ATP6V1D: variants seen among roughly 807,000 people sequenced by gnomAD.
ATP6V1D encodes the protein ATPase H+ transporting V1 subunit D, also known as V-type proton ATPase subunit D.
In ATP6V1D, 20 loss-of-function variants were observed where a neutral mutation model predicts 39.4. The observed-to-expected ratio is 0.51, with a 90% CI of 0.36 to 0.74. ATP6V1D has a LOEUF of 0.74. Ranked by LOEUF, ATP6V1D falls within the 30% of genes least tolerant of loss-of-function variation. The probability of loss-of-function intolerance (pLI) is 0.00; values close to 1 mark genes in which losing one functional copy is unlikely to be tolerated. For missense variants in ATP6V1D, 228 were observed against 291.6 expected (o/e 0.78, Z 1.59); for synonymous variants, 100 against 100.5 (o/e 0.99, Z 0.03).
chr14:67,340,354 A>C (rs1186642975), intron 8 of ATP6V1D, 86 bp downstream of exon 8: 7 of 1,121,958 alleles, frequency 6.2e-6, no homozygotes, highest in Non-Finnish European at 8.1e-6. Context: ...AATTCTAAAG[A>C]ACATAAACCA....
At chr14:67,358,938 G>C (rs1375854859) in intron 1 of ATP6V1D, among the ~76,000 whole-genome samples, 4 of 152,144 alleles carry the variant, frequency 2.6e-5, no homozygotes, top group Non-Finnish European at 5.9e-5. Flanking sequence ...TATGGATTAA[G>C]ACACTCTTTC....
intron 3 of ATP6V1D, among the ~76,000 whole-genome samples, chr14:67,349,455 T>C (rs933345527): frequency 1.3e-5 from 2 of 152,264 alleles, no homozygotes; most frequent in African/African-American, 2.4e-5. Context: ...AGGTTTGCTA[T>C]TGAATTGGTT....
At chr14:67,345,658 GA>G (rs1475823353) in intron 6 of ATP6V1D, 109 bp downstream of exon 6, 2 of 653,156 alleles carry the variant, frequency 3.1e-6, no homozygotes, top group Non-Finnish European at 5.4e-6. Context: ...AGGATCATGG[GA>G]ACAGTTAAAA....
At chr14:67,359,446 C>G (rs1792653002) in intron 1 of ATP6V1D, among the ~76,000 whole-genome samples, 1 of 152,190 alleles carries the variant, frequency 6.6e-6, no homozygotes, top group African/African-American at 2.4e-5. Flanking sequence ...CCTTTTCCTA[C>G]CGGCTGGGAT....
chr14:67,349,168 T>C (rs1409884581), intron 3 of ATP6V1D, 64 bp from the exon 4 acceptor site: 7 of 1,474,052 alleles, frequency 4.7e-6, no homozygotes, highest in African/African-American at 4.2e-5. Context: ...AGGGACCCAC[T>C]GGATAGTTTT....
intron 7 of ATP6V1D, among the ~76,000 whole-genome samples, chr14:67,340,873 G>C (rs1031705886): frequency 6.6e-6 from 1 of 152,202 alleles, no homozygotes; most frequent in Admixed American, 6.5e-5. Context: ...ACGGGGTTTC[G>C]CTGTGTTGGC....
intron 2 of ATP6V1D, among the ~76,000 whole-genome samples, chr14:67,351,554 G>C (rs889969567): frequency 6.6e-6 from 1 of 152,040 alleles, no homozygotes; most frequent in Non-Finnish European, 1.5e-5. Flanking sequence ...TGTTGCCTGG[G>C]CTAGAGTACA....
At chr14:67,340,818 C>T (rs1036737319) in intron 7 of ATP6V1D, among the ~76,000 whole-genome samples, 17 of 152,258 alleles carry the variant, frequency 1.1e-4, no homozygotes, top group Middle Eastern at 6.8e-3. Flanking sequence ...CGATTGCAGG[C>T]GCGTGCCGCC....
chr14:67,338,668 C>CA lies in ATP6V1D; in HGVS notation c.696dup (p.Ala233CysfsTer2). On this transcript the variant is annotated frameshift_variant, in exon 9 of 9. Coordinates refer to ENST00000216442, the MANE Select transcript of ATP6V1D (RefSeq NM_015994.4). LOFTEE classifies it high-confidence loss of function. ...TCCTTCTCTTCAGCCAGAAGATTAG[C>CA]AGGCTCCAACACCTCTCCAGCTGCT... 6.2e-7 allele frequency: 1 copy of CA among 1,614,122 alleles called. No individual in the cohort carries two copies. The highest frequency in any genetic ancestry group is 8.5e-7 in the Non-Finnish European group (1 of 1,179,992).
At chr14:67,341,711 A>G (rs1395454523) in intron 7 of ATP6V1D, among the ~76,000 whole-genome samples, 3 of 152,254 alleles carry the variant, frequency 2.0e-5, no homozygotes, top group Non-Finnish European at 4.4e-5. Flanking sequence ...AGAACAGGCC[A>G]TGATGACAAT....
At chr14:67,342,722 TATC>T (rs1230378576) in intron 7 of ATP6V1D, among the ~76,000 whole-genome samples, 3 of 150,770 alleles carry the variant, frequency 2.0e-5, no homozygotes, top group African/African-American at 7.3e-5. Flanking sequence ...ATAGTTAATA[TATC>T]ATATTATACA....
intron 1 of ATP6V1D, among the ~76,000 whole-genome samples, chr14:67,356,438 A>C (rs1236655116): frequency 1.5e-4 from 22 of 143,874 alleles, no homozygotes; most frequent in African/African-American, 3.9e-4. Flanking sequence ...CAAAAACAAA[A>C]AAAAAAAAAC....
intron 3 of ATP6V1D, among the ~76,000 whole-genome samples, chr14:67,350,035 C>T (rs1267244580): frequency 6.6e-6 from 1 of 152,216 alleles, no homozygotes; most frequent in Admixed American, 6.5e-5. Context: ...CAATGCTTGC[C>T]TTACCTATCT....
intron 8 of ATP6V1D, among the ~76,000 whole-genome samples, chr14:67,339,248 T>C (rs1337099814): frequency 3.3e-5 from 5 of 152,134 alleles, no homozygotes; most frequent in African/African-American, 7.2e-5. Context: ...CCACCCGCCT[T>C]GGCCTCCCAA....
chr14:67,347,515 T>G, intron 4 of ATP6V1D, 62 bp from the exon 5 acceptor site: 1 of 1,443,526 alleles, frequency 6.9e-7, no homozygotes, highest in South Asian at 1.2e-5. Context: ...TTTTTTTTTT[T>G]TCTGAGACGG....
At chr14:67,344,918 G>A (rs1391100408) in intron 6 of ATP6V1D, among the ~76,000 whole-genome samples, 1 of 150,734 alleles carries the variant, frequency 6.6e-6, no homozygotes, top group Non-Finnish European at 1.5e-5. Flanking sequence ...AAAAACAAGA[G>A]TGTACCATAG....
chr14:67,348,317 A>G (rs2141102869), intron 4 of ATP6V1D, among the ~76,000 whole-genome samples: 1 of 152,000 alleles, frequency 6.6e-6, no homozygotes, highest in Middle Eastern at 3.4e-3. Context: ...CGATCCGCCC[A>G]CCTTGGCTTC....
chr14:67,353,017 C>T lies in ATP6V1D; in HGVS notation c.65G>A (p.Arg22His), dbSNP rs145144886. ...TCGACCTGTCTGTGCTCCCTTTAAA[C>T]GAGCCTTCATGATGGTCTGTGCCCT... The part of the protein sequence containing the change: ...SRMAQTIMKA[R>H]LKGAQTGRNL... Residue 22 changes from arginine (R) to histidine (H), a missense_variant, in exon 2 of 9, where the codon CGT becomes CAT. Transcript: ENST00000216442. 35 of 1,613,616 alleles carry T rather than the reference C, an allele frequency of 2.2e-5. No homozygotes were observed. The highest frequency in any genetic ancestry group is 1.7e-4 in the African/African-American group (13 of 74,864).
At position 67,359,726 on chromosome 14, in the gene ATP6V1D, CCCGG is replaced by C. The variant is rs1319371558; in HGVS notation, c.-32_-29del. Reference sequence around the variant, plus strand: ...TGACGATAACTTTTCGGCTCGGGTCCCCGGCCGGGCAACCGAGGCTGCAATAGCT... The same window carrying C: ...TGACGATAACTTTTCGGCTCGGGTCCCCGGGCAACCGAGGCTGCAATAGCT... On this transcript the variant is annotated 5_prime_UTR_variant, in exon 1 of 9. Transcript: ENST00000216442. 1.2e-6 allele frequency: 2 copies of C among 1,613,092 alleles called. No homozygotes were observed. The highest frequency in any genetic ancestry group is 2.7e-5 in the African/African-American group (2 of 74,818).
Sources: allele counts gnomAD v4.1 joint callset (sites outside exome capture counted in the v4.1 genomes callset), GRCh38; gene constraint gnomAD v4.1.1; transcripts MANE v1.5; gene names NCBI Gene and HGNC (gene_info 2026-07-23, HGNC 2026-07-21).